The following AMPH variants were observed in gnomAD, a reference collection of about 807,000 sequenced individuals.
The protein encoded by AMPH is amphiphysin.
AMPH carries 49 observed loss-of-function variants against 99.1 expected under a neutral mutation model. The ratio of observed to expected loss-of-function variants is 0.49; its 90% CI spans 0.39 to 0.63. The LOEUF is 0.63. Among genes scored for constraint, AMPH ranks in the 20% least tolerant of loss-of-function variants. AMPH has a pLI of 0.00. For synonymous variants in AMPH, 314 were observed against 317.3 expected, an observed-to-expected ratio of 0.99 and a Z score of 0.11; for missense variants, 759 against 863.4, an observed-to-expected ratio of 0.88 and a Z score of 1.52.
At chr7:38,447,779 C>CACACAA (rs58023742) in intron 11 of AMPH, among the ~76,000 whole-genome samples, 14,808 of 150,116 alleles carry the variant, frequency 0.099, 1,069 homozygotes, top group Middle Eastern at 0.12. Flanking sequence ...CACACACACA[C>CACACAA]CCATACACAA....
chr7:38,460,541 T>C (rs4574754), intron 11 of AMPH, among the ~76,000 whole-genome samples: 25,805 of 152,132 alleles, frequency 0.17, 2,579 homozygotes, highest in East Asian at 0.37. Context: ...GAAATAATGT[T>C]GTTTGCAATA....
intron 2 of AMPH, among the ~76,000 whole-genome samples, chr7:38,534,090 ATTACACCCCCTG>A (rs1217077864): frequency 1.3e-5 from 2 of 151,922 alleles, no homozygotes; most frequent in African/African-American, 4.8e-5. Context: ...TTTTTTCTGA[ATTACACCCCCTG>A]TAAAATTTTA....
chr7:38,600,298 A>G (rs1793202299), intron 1 of AMPH, among the ~76,000 whole-genome samples: 2 of 152,274 alleles, frequency 1.3e-5, no homozygotes, highest in South Asian at 2.1e-4. Flanking sequence ...ATCATGTCAC[A>G]TTCCTGTTAT....
At position 38,475,539 on chromosome 7, in the gene AMPH, T is replaced by C. The variant is rs559279672; in HGVS notation, c.505-123A>G. 2.2e-5 allele frequency: 14 copies of C among 649,868 alleles called. No homozygotes were observed. The South Asian group carries it at 2.6e-4, about 12-fold the overall frequency. The allele number at this position is 649,868 out of a possible 1,614,324, so 40.3% of individuals were successfully genotyped here. A position where few individuals can be genotyped will look rare whatever the true frequency, so the allele number is the denominator to read the frequency against. On this transcript the variant is annotated intron_variant, in intron 6 of 20. Coordinates refer to ENST00000356264, the MANE Select transcript of AMPH (RefSeq NM_001635.4). ...TGGAAATATTTTGAGAAGGAGAGTA[T>C]TTGGTTAAAAGCATATCCTTGTTTT...
intron 1 of AMPH, among the ~76,000 whole-genome samples, chr7:38,612,172 G>A (rs1793708681): frequency 7.3e-6 from 1 of 136,314 alleles, no homozygotes; most frequent in Non-Finnish European, 1.5e-5. Context: ...CACCTCCCAG[G>A]TTCAAGTGAT....
At chr7:38,571,281 T>TATATAGAA (rs1562835247) in intron 1 of AMPH, among the ~76,000 whole-genome samples, 1,501 of 44,040 alleles carry the variant, frequency 0.034, 90 homozygotes, top group African/African-American at 0.11. Flanking sequence ...ATATATATTT[T>TATATAGAA]TATATATATT....
chr7:38,419,022 C>A (rs1351378746), intron 16 of AMPH, among the ~76,000 whole-genome samples: 1 of 151,742 alleles, frequency 6.6e-6, no homozygotes, highest in East Asian at 1.9e-4. Flanking sequence ...GATTCTTTCA[C>A]TAAATGAATG....
chr7:38,448,063 T>G (rs1786859483), intron 11 of AMPH, among the ~76,000 whole-genome samples: 1 of 152,168 alleles, frequency 6.6e-6, no homozygotes, highest in Non-Finnish European at 1.5e-5. Context: ...AGAAATACCT[T>G]TCATGTAAAA....
At chr7:38,628,609 G>A (rs988030630) in intron 1 of AMPH, among the ~76,000 whole-genome samples, 20 of 152,188 alleles carry the variant, frequency 1.3e-4, no homozygotes, top group Non-Finnish European at 2.9e-5. Context: ...TAATTATGAA[G>A]TGAAATAAAC....
rs78875288 is a variant in AMPH, at chr7:38,596,972, A to T, written c.69+34311T>A. 4.5e-3 allele frequency among the ~76,000 whole-genome samples: 679 copies of T among 152,326 alleles called. 9 individuals are homozygous for T. Among genetic ancestry groups the T allele is most frequent in the African/African-American group, 0.015 (641 of 41,576 alleles). On this transcript the variant is annotated intron_variant, in intron 1 of 20. Coordinates refer to ENST00000356264, the MANE Select transcript of AMPH (RefSeq NM_001635.4). ...GTTTCCCACTAACTCTTACAGAACA[A>T]AGTCCCCTGCCGCCCGGCCCATAGC...
At chr7:38,545,002 T>C (rs1319715839) in intron 1 of AMPH, among the ~76,000 whole-genome samples, 1 of 152,230 alleles carries the variant, frequency 6.6e-6, no homozygotes, top group Non-Finnish European at 1.5e-5. Context: ...AGGGATACTG[T>C]AGAGTCTATG....
chr7:38,408,984 T>C (rs1300067813), intron 17 of AMPH, among the ~76,000 whole-genome samples: 1 of 152,182 alleles, frequency 6.6e-6, no homozygotes. Flanking sequence ...AAGTTAGAGA[T>C]TAATCTGATC....
chr7:38,520,695 A>C (rs1183004467), intron 2 of AMPH, among the ~76,000 whole-genome samples: 1 of 152,234 alleles, frequency 6.6e-6, no homozygotes, highest in Non-Finnish European at 1.5e-5. Flanking sequence ...TACCACTAGA[A>C]TATTCCTTGT....
chr7:38,411,510 A>T (rs867269392), intron 17 of AMPH, among the ~76,000 whole-genome samples: 3 of 152,186 alleles, frequency 2.0e-5, no homozygotes, highest in African/African-American at 4.8e-5. Context: ...GGGCCTTTCT[A>T]TCGTGCAGGT....
In AMPH at chr7:38,463,016, G is replaced by A. The variant is rs748161905; in HGVS notation, c.847C>T (p.Pro283Ser). Residue 283 changes from proline to serine, a missense_variant, in exon 10 of 21, where the codon CCT (proline) becomes TCT (serine). Coordinates refer to ENST00000356264, the MANE Select transcript of AMPH (RefSeq NM_001635.4). Reference sequence around the variant, plus strand: ...GGCCGTGCTGGTGCGGGAGACGCAGGTGCTAATGTATGATTTGGACTTGCT... The same window carrying A: ...GGCCGTGCTGGTGCGGGAGACGCAGATGCTAATGTATGATTTGGACTTGCT... ...PTASPNHTLA[P>S]ASPAPARPRS... 6.2e-7 allele frequency: 1 copy of A among 1,606,368 alleles called. No individual in the cohort carries two copies. Among genetic ancestry groups the A allele is most frequent in the South Asian group, 1.1e-5 (1 of 89,910 alleles).
In AMPH at chr7:38,581,591, A is replaced by G. The variant is rs551065171; in HGVS notation, c.70-46580T>C. Among the ~76,000 whole-genome samples the G allele has an allele frequency of 5.3e-5, 8 of 152,272 alleles. No individual in the cohort carries two copies. In the East Asian group the frequency reaches 1.4e-3, roughly 26 times the overall value. ...TATGTTTGGGACACGATAGAGCCTC[A>G]CTCACCTTTTAACAGGAACAGACTG... On this transcript the variant is annotated intron_variant, in intron 1 of 20. Transcript: ENST00000356264.
rs571307320 is a variant in AMPH at position 38,481,269 on chromosome 7, T to C, written c.397-4300A>G. 1.4e-3 allele frequency among the ~76,000 whole-genome samples: 213 copies of C among 152,306 alleles called. 1 individual carries two copies. The highest frequency in any genetic ancestry group is 5.0e-3 in the African/African-American group (206 of 41,586). ...ATTAGCTTTTTTTAATGGAAAATTA[T>C]ATAATTCTCTTATTTAACCATCCAA... On this transcript the variant is annotated intron_variant, in intron 5 of 20. Coordinates refer to ENST00000356264, the MANE Select transcript of AMPH (RefSeq NM_001635.4).
At chr7:38,506,461 G>A (rs1465689990) in intron 2 of AMPH, among the ~76,000 whole-genome samples, 1 of 152,136 alleles carries the variant, frequency 6.6e-6, no homozygotes, top group Non-Finnish European at 1.5e-5. Flanking sequence ...TGAGAGAGAA[G>A]CAAGCTCCAG....
chr7:38,563,816 C>A (rs1791636997), intron 1 of AMPH, among the ~76,000 whole-genome samples: 1 of 152,154 alleles, frequency 6.6e-6, no homozygotes, highest in Admixed American at 6.5e-5. Context: ...CCACCATTAG[C>A]ATTTGACATA....
Sources: allele counts gnomAD v4.1 joint callset (sites outside exome capture counted in the v4.1 genomes callset), GRCh38; gene constraint gnomAD v4.1.1; transcripts MANE v1.5; gene names NCBI Gene and HGNC (gene_info 2026-07-23, HGNC 2026-07-21).